Variants in MYT1L observed in about 807,000 individuals in gnomAD.
The protein encoded by MYT1L is myelin transcription factor 1 like.
In MYT1L, 12 loss-of-function variants were observed where a neutral mutation model predicts 126.7. The observed-to-expected ratio is 0.09, with a 90% CI of 0.06 to 0.15. The LOEUF is 0.15. Among genes scored for constraint, MYT1L ranks in the 10% least tolerant of loss-of-function variants. The probability of loss-of-function intolerance (pLI) is 1.00; values close to 1 mark genes in which losing one functional copy is unlikely to be tolerated. For synonymous variants in MYT1L, 541 were observed against 604.2 expected (o/e 0.90, Z 1.53); for missense variants, 979 against 1,585.2 (o/e 0.62, Z 6.49).
chr2:1,973,486 C>A (rs1343914455), intron 8 of MYT1L, among the ~76,000 whole-genome samples: 3 of 152,160 alleles, frequency 2.0e-5, no homozygotes, highest in African/African-American at 7.2e-5. Flanking sequence ...CCAAAAAAAA[C>A]CTGAATATAA....
chr2:2,053,124 T>A (rs760917929), intron 4 of MYT1L, among the ~76,000 whole-genome samples: 78 of 152,306 alleles, frequency 5.1e-4, no homozygotes, highest in Non-Finnish European at 8.5e-4. Context: ...GGCTGGATGT[T>A]GAGGGCATTA....
rs956994942 is a variant in MYT1L, at chr2:1,979,442, G to C, written c.89+79C>G. The C allele has an allele frequency of 1.5e-6, 2 of 1,375,934 alleles. No individual in the cohort carries two copies. Among genetic ancestry groups the C allele is most frequent in the South Asian group, 1.2e-5 (1 of 86,066 alleles). 85.2% of individuals were successfully genotyped at this position (1,375,934 alleles called of 1,614,324 possible). The stretch of plus-strand genomic sequence containing the variant: ...GCGTGAGCAAGCTGCCGATGAGCTG[G>C]AAGGTGCAGTGTGCCCATTAGAAGG... On this transcript the variant is annotated intron_variant, in intron 7 of 24. Coordinates refer to ENST00000647738, the MANE Select transcript of MYT1L (RefSeq NM_001303052.2). The surrounding 1 kb of genome is among the most constrained non-coding windows in gnomAD (Gnocchi z 4.0).
chr2:2,016,552 G>A lies in MYT1L; in HGVS notation c.-157-19205C>T, dbSNP rs191669767. On this transcript the variant is annotated intron_variant, in intron 4 of 24. Coordinates refer to ENST00000647738, the MANE Select transcript of MYT1L (RefSeq NM_001303052.2). ...TCCAGGATTCTGTAGAAATAACCAGGAATCCAACACCCTTCTCTGTCACAG... is the reference window on the plus strand; with the variant it reads ...TCCAGGATTCTGTAGAAATAACCAGAAATCCAACACCCTTCTCTGTCACAG... 7.9e-5 allele frequency among the ~76,000 whole-genome samples: 12 copies of A among 152,310 alleles called. No individual in the cohort carries two copies. In the East Asian group the frequency reaches 2.1e-3, roughly 27 times the overall value.
chr2:2,228,522 T>C lies in MYT1L; in HGVS notation c.-420-55534A>G, dbSNP rs2094075759. ...TGAACTTTAGAACTGGAAGAAAGTT[T>C]AGAATTTTTTTGCCAATCTTTTTGA... On this transcript the variant is annotated intron_variant, in intron 2 of 24. Coordinates refer to ENST00000647738, the MANE Select transcript of MYT1L (RefSeq NM_001303052.2). This position sits in a 1 kb window ranked among gnomAD's most constrained non-coding sequence, Gnocchi z 5.9. 6.6e-6 allele frequency among the ~76,000 whole-genome samples: 1 copy of C among 152,214 alleles called. No individual in the cohort carries two copies. Among genetic ancestry groups the C allele is most frequent in the South Asian group, 2.1e-4 (1 of 4,828 alleles).
chr2:2,017,502 G>A (rs1370781371), intron 4 of MYT1L, among the ~76,000 whole-genome samples: 2 of 152,132 alleles, frequency 1.3e-5, no homozygotes, highest in Admixed American at 6.5e-5. Context: ...TACTGCGAAG[G>A]TCACAATACC....
intron 4 of MYT1L, among the ~76,000 whole-genome samples, chr2:2,003,415 T>C (rs1471842307): frequency 6.6e-6 from 1 of 152,190 alleles, no homozygotes; most frequent in Non-Finnish European, 1.5e-5. Context: ...TTGCCCACCG[T>C]CACCCTGGCC....
chr2:1,879,761 T>C (rs1282688285), intron 18 of MYT1L, among the ~76,000 whole-genome samples: 1 of 152,138 alleles, frequency 6.6e-6, no homozygotes, highest in East Asian at 1.9e-4. Flanking sequence ...CTGTATATAT[T>C]AAAAAGTCAT....
chr2:2,253,544 G>A (rs989707639), intron 2 of MYT1L, among the ~76,000 whole-genome samples: 3 of 152,206 alleles, frequency 2.0e-5, no homozygotes, highest in African/African-American at 4.8e-5. Flanking sequence ...TTGTAAAAAC[G>A]AGTGCCAAGA....
chr2:1,991,522 C>G (rs2061455447), intron 5 of MYT1L, among the ~76,000 whole-genome samples: 1 of 152,104 alleles, frequency 6.6e-6, no homozygotes, highest in Non-Finnish European at 1.5e-5. Context: ...TCGAGTGATC[C>G]TCTGCCTCAG....
intron 2 of MYT1L, among the ~76,000 whole-genome samples, chr2:2,256,427 T>G (rs2094815163): frequency 6.6e-6 from 1 of 152,202 alleles, no homozygotes; most frequent in Admixed American, 6.5e-5. Context: ...CACAACCATA[T>G]CCTCACAATT....
At chr2:1,915,408 G>A (rs920774050) in intron 11 of MYT1L, among the ~76,000 whole-genome samples, 6 of 152,080 alleles carry the variant, frequency 3.9e-5, no homozygotes, top group East Asian at 1.9e-4. Context: ...TGCAGCCGGC[G>A]CGAAGGGCAC....
chr2:1,824,793 T>A (rs997998337), intron 21 of MYT1L: 1 of 152,254 alleles, frequency 6.6e-6, no homozygotes, highest in Non-Finnish European at 1.5e-5. Context: ...TTGTTCTTCT[T>A]ATGCATTTTA....
intron 2 of MYT1L, among the ~76,000 whole-genome samples, chr2:2,240,916 C>A: frequency 6.6e-6 from 1 of 152,168 alleles, no homozygotes; most frequent in East Asian, 1.9e-4. Flanking sequence ...GAACCACAAT[C>A]AGAATAATGC....
chr2:2,007,393 A>G (rs2063436645), intron 4 of MYT1L, among the ~76,000 whole-genome samples: 1 of 152,208 alleles, frequency 6.6e-6, no homozygotes, highest in Non-Finnish European at 1.5e-5. Flanking sequence ...CAATCAATTT[A>G]GAAGGTTATT....
intron 2 of MYT1L, among the ~76,000 whole-genome samples, chr2:2,247,208 T>C (rs1387405136): frequency 6.6e-6 from 1 of 151,936 alleles, no homozygotes; most frequent in Non-Finnish European, 1.5e-5. Flanking sequence ...TTTCATTCAA[T>C]GGAAATGAAA....
At position 1,979,605 on chromosome 2, in the gene MYT1L, C is replaced by G; in HGVS notation, c.56-51G>C. On this transcript the variant is annotated intron_variant, in intron 6 of 24. Coordinates refer to ENST00000647738, the MANE Select transcript of MYT1L (RefSeq NM_001303052.2). The surrounding 1 kb of genome is among the most constrained non-coding windows in gnomAD (Gnocchi z 4.0). Reference sequence around the variant, plus strand: ...AATTTACCATCTATCACAAGCGACCCTCTTCCACAGAAAATTACCAAAAGG... The same window carrying G: ...AATTTACCATCTATCACAAGCGACCGTCTTCCACAGAAAATTACCAAAAGG... 6.2e-7 allele frequency: 1 copy of G among 1,605,800 alleles called. No homozygotes were observed. The highest frequency in any genetic ancestry group is 1.1e-5 in the South Asian group (1 of 90,844).
intron 1 of MYT1L, among the ~76,000 whole-genome samples, chr2:2,295,617 GAGAGAGAGAC>G (rs1559584078): frequency 1.2e-4 from 15 of 129,278 alleles, no homozygotes; most frequent in African/African-American, 4.5e-4. Context: ...GACAGAGAGA[GAGAGAGAGAC>G]AGACAGACAG....
chr2:2,007,179 G>C (rs1248816749), intron 4 of MYT1L, among the ~76,000 whole-genome samples: 3 of 152,016 alleles, frequency 2.0e-5, no homozygotes, highest in African/African-American at 7.3e-5. Context: ...CATTGATTTT[G>C]TCTCCTTTGG....
chr2:1,852,031 G>A lies in MYT1L; in HGVS notation c.2712-328C>T, dbSNP rs925977465. On this transcript the variant is annotated intron_variant, in intron 18 of 24. Transcript: ENST00000647738. This position sits in a 1 kb window ranked among gnomAD's most constrained non-coding sequence, Gnocchi z 4.0. ...CTCCCCTCATTCTTAAAGCTCAGCA[G>A]AGCCAGCAACCACAGGGCTTGTTAC... 6.6e-6 allele frequency among the ~76,000 whole-genome samples: 1 copy of A among 152,130 alleles called. No homozygotes were observed. Among genetic ancestry groups the A allele is most frequent in the Non-Finnish European group, 1.5e-5 (1 of 68,028 alleles).
Sources: allele counts gnomAD v4.1 joint callset (sites outside exome capture counted in the v4.1 genomes callset), GRCh38; gene constraint gnomAD v4.1.1; non-coding constraint Gnocchi (gnomAD v3.1); transcripts MANE v1.5; gene names NCBI Gene and HGNC (gene_info 2026-07-23, HGNC 2026-07-21).